The following MACROD2 variants were observed in gnomAD, a reference collection of about 807,000 sequenced individuals.
The protein encoded by MACROD2 is ADP-ribose glycohydrolase MACROD2.
Under a neutral mutation model 70.4 loss-of-function variants are expected in MACROD2, and 36 were observed. That is an observed-to-expected ratio of 0.51 (90% CI 0.39 to 0.68). The LOEUF (loss-of-function observed/expected upper bound fraction) is 0.68. Ranked by LOEUF, MACROD2 falls within the 30% of genes least tolerant of loss-of-function variation. MACROD2 has a pLI of 0.00. For synonymous variants in MACROD2, 172 were observed against 178.8 expected, an observed-to-expected ratio of 0.96 and a Z score of 0.30; for missense variants, 496 against 538.4, an observed-to-expected ratio of 0.92 and a Z score of 0.78.
chr20:15,398,019 T>C (rs73901014), intron 6 of MACROD2, among the ~76,000 whole-genome samples: 8,879 of 152,214 alleles, frequency 0.058, 713 homozygotes, highest in African/African-American at 0.17. Context: ...CAGTTTCCCA[T>C]ACCGAGAGTC....
intron 10 of MACROD2, among the ~76,000 whole-genome samples, chr20:15,925,632 T>C (rs528387897): frequency 6.6e-5 from 10 of 152,292 alleles, no homozygotes; most frequent in African/African-American, 2.2e-4. Flanking sequence ...CCACAGGTAT[T>C]TGTTGAGCTC....
chr20:15,524,460 T>C (rs1345858433), intron 8 of MACROD2, among the ~76,000 whole-genome samples: 1 of 152,146 alleles, frequency 6.6e-6, no homozygotes, highest in African/African-American at 2.4e-5. Flanking sequence ...TTGTAACAAA[T>C]GTTGAGAATT....
At chr20:14,044,899 G>A (rs1158816614) in intron 2 of MACROD2, among the ~76,000 whole-genome samples, 2 of 152,156 alleles carry the variant, frequency 1.3e-5, no homozygotes, top group East Asian at 1.9e-4. Flanking sequence ...GGGGAGGCTC[G>A]GGCCACGCAG....
intron 3 of MACROD2, among the ~76,000 whole-genome samples, chr20:14,130,416 C>T (rs572179231): frequency 3.3e-5 from 5 of 152,018 alleles, no homozygotes; most frequent in Middle Eastern, 3.4e-3. Flanking sequence ...AGCGTGATGG[C>T]GGGAGCCTGT....
intron 3 of MACROD2, among the ~76,000 whole-genome samples, chr20:14,134,217 C>A (rs936294921): frequency 6.6e-6 from 1 of 152,154 alleles, no homozygotes; most frequent in Non-Finnish European, 1.5e-5. Context: ...ATGATCTTAT[C>A]TCAGTAGTAC....
chr20:15,790,285 A>C (rs1418829933), intron 8 of MACROD2, among the ~76,000 whole-genome samples: 1 of 151,936 alleles, frequency 6.6e-6, no homozygotes, highest in Non-Finnish European at 1.5e-5. Context: ...ATTCAGCATC[A>C]AGTTAAATGA....
At chr20:14,561,686 A>G (rs991232111) in intron 4 of MACROD2, among the ~76,000 whole-genome samples, 3 of 151,864 alleles carry the variant, frequency 2.0e-5, no homozygotes, top group African/African-American at 7.2e-5. Flanking sequence ...TTCATGAAGA[A>G]GAAACACCAC....
intron 5 of MACROD2, among the ~76,000 whole-genome samples, chr20:14,751,470 C>G (rs1034388811): frequency 1.3e-5 from 2 of 152,090 alleles, no homozygotes; most frequent in African/African-American, 4.8e-5. Flanking sequence ...AATTAGTGAC[C>G]GACATCCTTA....
intron 8 of MACROD2, among the ~76,000 whole-genome samples, chr20:15,533,535 GTCTCTGTCGC>G (rs1568873466): frequency 7.4e-6 from 1 of 135,842 alleles, no homozygotes; most frequent in African/African-American, 2.8e-5. Flanking sequence ...TTCTGTCTCT[GTCTCTGTCGC>G]TCTCTCTCTC....
chr20:15,086,679 C>A (rs2075751140), intron 5 of MACROD2, among the ~76,000 whole-genome samples: 1 of 152,104 alleles, frequency 6.6e-6, no homozygotes. Context: ...CATGAAGTAT[C>A]TTGTAGGGCT....
At chr20:14,008,533 G>C (rs1240231005) in intron 2 of MACROD2, among the ~76,000 whole-genome samples, 1 of 152,062 alleles carries the variant, frequency 6.6e-6, no homozygotes, top group Non-Finnish European at 1.5e-5. Flanking sequence ...TACAAAAATG[G>C]TCATACTGCC....
intron 8 of MACROD2, among the ~76,000 whole-genome samples, chr20:15,766,305 T>C (rs897339174): frequency 6.6e-6 from 1 of 152,222 alleles, no homozygotes; most frequent in African/African-American, 2.4e-5. Context: ...AGGGATGAAC[T>C]GATATTCTAG....
At chr20:15,206,493 A>G (rs918465042) in intron 5 of MACROD2, among the ~76,000 whole-genome samples, 4 of 152,082 alleles carry the variant, frequency 2.6e-5, no homozygotes, top group South Asian at 2.1e-4. Context: ...ACATACATCA[A>G]TCAATGTGGA....
chr20:15,157,478 A>T (rs1370766157), intron 5 of MACROD2, among the ~76,000 whole-genome samples: 10 of 151,910 alleles, frequency 6.6e-5, no homozygotes, highest in Admixed American at 1.3e-4. Context: ...TGGTTATGTG[A>T]ACCTGTTGTG....
At chr20:14,626,892 G>A (rs917125284) in intron 4 of MACROD2, 1 of 152,248 alleles carries the variant, frequency 6.6e-6, no homozygotes, top group African/African-American at 2.4e-5. Context: ...ACGAGGGTCT[G>A]TGTTATATAC....
chr20:14,799,196 T>C (rs1228664381), intron 5 of MACROD2, among the ~76,000 whole-genome samples: 2 of 152,086 alleles, frequency 1.3e-5, no homozygotes, highest in Non-Finnish European at 2.9e-5. Context: ...TGTATAAATA[T>C]ACTTCTGATG....
intron 5 of MACROD2, among the ~76,000 whole-genome samples, chr20:15,155,339 C>T (rs547513720): frequency 2.0e-5 from 3 of 152,122 alleles, no homozygotes; most frequent in Non-Finnish European, 4.4e-5. Context: ...CCTTGCCTCC[C>T]TTCCAGCCTC....
At chr20:14,704,796 A>G (rs6042871) in intron 5 of MACROD2, among the ~76,000 whole-genome samples, 156 of 152,204 alleles carry the variant, frequency 1.0e-3, no homozygotes, top group African/African-American at 3.5e-3. Flanking sequence ...AACATCACAT[A>G]TGATTATATG....
chr20:15,679,262 C>T (rs1351049294), intron 8 of MACROD2, among the ~76,000 whole-genome samples: 8 of 149,800 alleles, frequency 5.3e-5, no homozygotes, highest in African/African-American at 4.9e-5. Context: ...AAGAGATGCA[C>T]AGAATCAGCT....
Sources: gnomAD v4.1 joint callset for allele counts (sites outside exome capture counted in the v4.1 genomes callset) on GRCh38, gnomAD v4.1.1 for gene constraint, MANE v1.5 for transcripts, NCBI Gene and HGNC (gene_info 2026-07-23, HGNC 2026-07-21) for gene names.